GREB1L: variants seen among roughly 807,000 people sequenced by gnomAD.
GREB1L encodes the protein GREB1 like retinoic acid receptor coactivator.
In GREB1L, 17 loss-of-function variants were observed where a neutral mutation model predicts 200.8. The ratio of observed to expected loss-of-function variants is 0.08; its 90% CI spans 0.06 to 0.13. The LOEUF (loss-of-function observed/expected upper bound fraction) is 0.13. Ranked by LOEUF, GREB1L falls within the 10% of genes least tolerant of loss-of-function variation. The probability of loss-of-function intolerance (pLI) is 1.00; values close to 1 mark genes in which losing one functional copy is unlikely to be tolerated. For synonymous variants in GREB1L, 789 were observed against 893.0 expected (o/e 0.88, Z 2.08); for missense variants, 1,657 against 2,367.7 (o/e 0.70, Z 6.23).
At chr18:21,367,961 GGAGACTGTTA>G (rs2039737144) in intron 2 of GREB1L, among the ~76,000 whole-genome samples, 1 of 152,146 alleles carries the variant, frequency 6.6e-6, no homozygotes, top group Non-Finnish European at 1.5e-5. Flanking sequence ...GGTTATGAAA[GGAGACTGTTA>G]GAGGAATTTG....
At chr18:21,481,666 G>A (rs962165285) in intron 17 of GREB1L, among the ~76,000 whole-genome samples, 1 of 151,772 alleles carries the variant, frequency 6.6e-6, no homozygotes, top group African/African-American at 2.4e-5. Flanking sequence ...CCACTAAAGG[G>A]TAACACTATT....
At chr18:21,253,321 C>T (rs757500952) in intron 1 of GREB1L, among the ~76,000 whole-genome samples, 27 of 146,974 alleles carry the variant, frequency 1.8e-4, no homozygotes, top group Non-Finnish European at 3.6e-4. Context: ...GGCACGATCT[C>T]GGTTCACCGC....
intron 2 of GREB1L, among the ~76,000 whole-genome samples, chr18:21,367,281 A>T (rs1222358665): frequency 6.6e-6 from 1 of 152,236 alleles, no homozygotes; most frequent in African/African-American, 2.4e-5. Context: ...ATGGAAGGAT[A>T]ATCCTTACCA....
chr18:21,407,164 G>A (rs574981078), intron 7 of GREB1L, among the ~76,000 whole-genome samples: 5 of 152,220 alleles, frequency 3.3e-5, no homozygotes, highest in South Asian at 2.1e-4. Context: ...ATGAGTCACC[G>A]CACCTGGCCT....
intron 4 of GREB1L, among the ~76,000 whole-genome samples, chr18:21,388,608 G>A (rs757527025): frequency 6.2e-4 from 84 of 134,610 alleles, no homozygotes; most frequent in Non-Finnish European, 1.1e-3. Context: ...GTGGTGGTGC[G>A]ATCTCGGCTC....
At chr18:21,340,744 C>T (rs1355444509) in intron 1 of GREB1L, among the ~76,000 whole-genome samples, 4 of 151,956 alleles carry the variant, frequency 2.6e-5, no homozygotes, top group Admixed American at 6.5e-5. Flanking sequence ...GGGGTTTCAC[C>T]GTGTTGGCCC....
chr18:21,260,782 T>C (rs2037877320), intron 1 of GREB1L, among the ~76,000 whole-genome samples: 1 of 151,992 alleles, frequency 6.6e-6, no homozygotes, highest in Non-Finnish European at 1.5e-5. Flanking sequence ...TGTGGGGTGG[T>C]TATGATAGTC....
intron 1 of GREB1L, among the ~76,000 whole-genome samples, chr18:21,333,605 G>A (rs1282667338): frequency 6.6e-6 from 1 of 151,812 alleles, no homozygotes; most frequent in African/African-American, 2.4e-5. Flanking sequence ...AACCCAGGAG[G>A]TGGAGGTTGT....
intron 1 of GREB1L, among the ~76,000 whole-genome samples, chr18:21,337,134 A>T (rs1345134023): frequency 6.6e-6 from 1 of 152,104 alleles, no homozygotes; most frequent in Non-Finnish European, 1.5e-5. Context: ...TCCAGTGATG[A>T]TTATTGAAAG....
intron 1 of GREB1L, among the ~76,000 whole-genome samples, chr18:21,296,966 G>C (rs1348692470): frequency 6.6e-6 from 1 of 152,002 alleles, no homozygotes; most frequent in Admixed American, 6.6e-5. Context: ...ATTGATCTAA[G>C]GTATAGCTTG....
rs372894371 is a variant in GREB1L at position 21,500,614 on chromosome 18, C to T, written c.4044C>T (p.Asp1348=). 2.3e-5 allele frequency: 35 copies of T among 1,541,618 alleles called. No individual in the cohort carries two copies. Among genetic ancestry groups the T allele is most frequent in the African/African-American group, 1.7e-4 (12 of 72,342 alleles). Residue 1348 remains aspartate (D), a synonymous_variant, in exon 23 of 33, where the codon GAC becomes GAT. Transcript: ENST00000424526. ...TGCTCATCAGGCTCCTGGAGGTGGACGTGTATGATGAGGAGGAGATCAACA... is the reference window on the plus strand; with the variant it reads ...TGCTCATCAGGCTCCTGGAGGTGGATGTGTATGATGAGGAGGAGATCAACA... ...FRMLIRLLEV[D]VYDEEEINTD...
intron 15 of GREB1L, among the ~76,000 whole-genome samples, chr18:21,460,244 G>A (rs1054567306): frequency 3.9e-5 from 6 of 152,078 alleles, no homozygotes; most frequent in African/African-American, 1.2e-4. Context: ...GCATGATCTC[G>A]GCTCACTGCA....
chr18:21,503,272 T>C (rs2036873603), intron 23 of GREB1L, among the ~76,000 whole-genome samples: 1 of 151,926 alleles, frequency 6.6e-6, no homozygotes, highest in Non-Finnish European at 1.5e-5. Flanking sequence ...AGTGGTATGA[T>C]CTCGGCTCAC....
Position 21,449,769 on chromosome 18 carries a change from G to A in GREB1L, c.1653G>A (p.Leu551=). The change falls in exon 12 of 33, where the codon CTG becomes CTA. Residue 551 remains leucine, a synonymous_variant. Coordinates refer to ENST00000424526, the MANE Select transcript of GREB1L (RefSeq NM_001142966.3). ...TLSEMRHYQR[L]PDYVVVICAS... ...GTGAAATGAGACACTATCAAAGGCT[G>A]CCAGATTATGTGGTGGTAATTTGTG... The A allele has an allele frequency of 3.9e-6, 6 of 1,551,230 alleles. No individual in the cohort carries two copies. The highest frequency in any genetic ancestry group is 5.2e-6 in the Non-Finnish European group (6 of 1,146,724).
intron 4 of GREB1L, among the ~76,000 whole-genome samples, chr18:21,394,720 G>A (rs2040968479): frequency 6.6e-6 from 1 of 152,140 alleles, no homozygotes; most frequent in East Asian, 1.9e-4. Context: ...TACCCATCTA[G>A]AGAAGTGAAT....
At chr18:21,365,637 C>T (rs1435312952) in intron 1 of GREB1L, among the ~76,000 whole-genome samples, 1 of 152,032 alleles carries the variant, frequency 6.6e-6, no homozygotes, top group Non-Finnish European at 1.5e-5. Flanking sequence ...ATTATTACTC[C>T]TAAATTCCTT....
At chr18:21,342,387 T>C (rs77256875) in intron 1 of GREB1L, among the ~76,000 whole-genome samples, 1 of 152,300 alleles carries the variant, frequency 6.6e-6, no homozygotes, top group South Asian at 2.1e-4. Flanking sequence ...ATTTTTTTTT[T>C]CTGTAATAAT....
At chr18:21,383,462 C>A in intron 2 of GREB1L, 48 bp from the exon 3 acceptor site, 1 of 1,369,220 alleles carries the variant, frequency 7.3e-7, no homozygotes, top group South Asian at 1.5e-5. Context: ...CATAGAACCT[C>A]TAATTATATC....
chr18:21,518,077 G>A lies in GREB1L; in HGVS notation c.5315G>A (p.Cys1772Tyr), dbSNP rs1446907015. The A allele has an allele frequency of 9.7e-6, 15 of 1,551,540 alleles. No individual in the cohort carries two copies. The highest frequency in any genetic ancestry group is 1.3e-5 in the Non-Finnish European group (15 of 1,146,960). Residue 1772 changes from cysteine to tyrosine, a missense_variant, in exon 31 of 33, where the codon TGT (cysteine) becomes TAT (tyrosine). Physicochemically the swap from Cys to Tyr is radical, Grantham distance 194. This residue lies in a region of GREB1L where 190 missense variants were observed against 230.2 expected (regional missense o/e 0.83). Coordinates refer to ENST00000424526, the MANE Select transcript of GREB1L (RefSeq NM_001142966.3). ...LAPILPLQYI[C>Y]APDSEHTLLA... ...CCCATCTTGCCCCTTCAATACATCT[G>A]TGCTCCCGACAGTGAACACACACTA...
Sources: allele counts gnomAD v4.1 joint callset (sites outside exome capture counted in the v4.1 genomes callset), GRCh38; gene constraint gnomAD v4.1.1; regional missense constraint gnomAD v4.1.1; transcripts MANE v1.5; gene names NCBI Gene and HGNC (gene_info 2026-07-23, HGNC 2026-07-21).